Variants in SNAPC3 observed in about 807,000 individuals in gnomAD.
The protein encoded by SNAPC3 is small nuclear RNA activating complex polypeptide 3.
In SNAPC3, 56 loss-of-function variants were observed where a neutral mutation model predicts 47.7. The ratio of observed to expected loss-of-function variants is 1.18; its 90% CI spans 0.95 to 1.47. The LOEUF (loss-of-function observed/expected upper bound fraction) is 1.47, where lower values mean the gene tolerates loss of function less well. SNAPC3 is among the 40% of genes most tolerant of loss of function. SNAPC3 has a pLI of 0.00. For missense variants in SNAPC3, 665 were observed against 511.3 expected (o/e 1.30, Z -2.90); for synonymous variants, 235 against 189.9 (o/e 1.24, Z -1.95).
chr9:15,461,812 C>G (rs913387816), downstream of SNAPC3: 1 of 152,160 alleles, frequency 6.6e-6, no homozygotes, highest in Non-Finnish European at 1.5e-5. Flanking sequence ...TCTGGTATGT[C>G]TAGTGTTCTC....
At chr9:15,453,292 G>C (rs1345576263) in intron 7 of SNAPC3, 87 bp downstream of exon 7, 14 of 1,115,546 alleles carry the variant, frequency 1.3e-5, no homozygotes, top group African/African-American at 3.2e-5. Context: ...TTAAAAATAA[G>C]AGGAGTAAAA....
intron 2 of SNAPC3, among the ~76,000 whole-genome samples, chr9:15,424,510 G>T (rs946526421): frequency 1.3e-5 from 2 of 151,730 alleles, no homozygotes; most frequent in South Asian, 2.1e-4. Flanking sequence ...ACTATAAAAA[G>T]AATTACTAGA....
At chr9:15,455,948 C>T (rs557237426) in intron 7 of SNAPC3, among the ~76,000 whole-genome samples, 1 of 152,282 alleles carries the variant, frequency 6.6e-6, no homozygotes, top group East Asian at 1.9e-4. Flanking sequence ...GATCTCGGCT[C>T]ACCACAACCT....
rs1258586280 is a variant in SNAPC3, at chr9:15,461,609, A to C, written c.*1743A>C. 6.6e-6 allele frequency: 1 copy of C among 152,258 alleles called. No homozygotes were observed. The highest frequency in any genetic ancestry group is 1.5e-5 in the Non-Finnish European group (1 of 68,040). 9.4% of individuals were successfully genotyped at this position (152,258 alleles called of 1,614,324 possible). A position where few individuals can be genotyped will look rare whatever the true frequency, so the allele number is the denominator to read the frequency against. ...TCAAATGCATCATTTAAAATAAATA[A>C]ATTCCACTTTCTCTCTCCTAGGTTG... is the stretch of plus-strand genomic sequence containing the variant. On this transcript the variant is annotated 3_prime_UTR_variant, in exon 9 of 9. Coordinates refer to ENST00000380821, the MANE Select transcript of SNAPC3 (RefSeq NM_001039697.2).
intron 3 of SNAPC3, among the ~76,000 whole-genome samples, chr9:15,444,361 C>T: frequency 6.6e-6 from 1 of 152,232 alleles, no homozygotes; most frequent in East Asian, 1.9e-4. Context: ...TACCACACAT[C>T]TTATCAGATG....
chr9:15,449,907 T>G (rs891700392), intron 5 of SNAPC3, among the ~76,000 whole-genome samples: 2 of 152,122 alleles, frequency 1.3e-5, no homozygotes, highest in Non-Finnish European at 2.9e-5. Flanking sequence ...ACATTTTTGT[T>G]CTTTTAGAGT....
chr9:15,424,364 G>A lies in SNAPC3; in HGVS notation c.392+378G>A, dbSNP rs900644028. ...TATTTTTTAATATTTTTGAATGTTT[G>A]TTTATAGAGGTAATCTACTTAGATC... On this transcript the variant is annotated intron_variant, in intron 2 of 8. Coordinates refer to ENST00000380821, the MANE Select transcript of SNAPC3 (RefSeq NM_001039697.2). 5.9e-5 allele frequency among the ~76,000 whole-genome samples: 9 copies of A among 152,024 alleles called. 1 individual carries two copies. Among genetic ancestry groups the A allele is most frequent in the Admixed American group, 5.9e-4 (9 of 15,276 alleles).
chr9:15,453,960 C>T (rs1041138599), intron 7 of SNAPC3, among the ~76,000 whole-genome samples: 2 of 152,064 alleles, frequency 1.3e-5, no homozygotes, highest in African/African-American at 2.4e-5. Context: ...TGATGCCTGC[C>T]GGGTGCAGTG....
chr9:15,443,905 G>T (rs371820511), intron 3 of SNAPC3, among the ~76,000 whole-genome samples: 13 of 152,168 alleles, frequency 8.5e-5, no homozygotes, highest in African/African-American at 1.7e-4. Context: ...CCTGATTGTT[G>T]TAAGTGTCCC....
rs1445649888 is a variant in SNAPC3 at position 15,446,949 on chromosome 9, T to C, written c.583-146T>C. The C allele has an allele frequency of 8.1e-6, 6 of 739,760 alleles. No homozygotes were observed. In the East Asian group the frequency reaches 9.8e-5, roughly 12 times the overall value. 45.8% of individuals were successfully genotyped at this position (739,760 alleles called of 1,614,324 possible). ...GACCATGAGTTTGGCCCTATAATTATTGGATGTGAAAATACAGAGCATCAA... is the reference window on the plus strand; with the variant it reads ...GACCATGAGTTTGGCCCTATAATTACTGGATGTGAAAATACAGAGCATCAA... On this transcript the variant is annotated intron_variant, in intron 4 of 8. Transcript: ENST00000380821.
chr9:15,464,529 T>C (rs2035478503), downstream of SNAPC3: 1 of 200,454 alleles, frequency 5.0e-6, no homozygotes, highest in Non-Finnish European at 1.0e-5. Context: ...ACAACTAGTG[T>C]TTGTATTTTT....
At chr9:15,451,064 A>G (rs917663445) in intron 5 of SNAPC3, among the ~76,000 whole-genome samples, 33 of 152,202 alleles carry the variant, frequency 2.2e-4, no homozygotes, top group African/African-American at 6.5e-4. Context: ...AACACTACTT[A>G]CTGCTCTGTA....
chr9:15,465,088 C>G (rs1004235236), downstream of SNAPC3: 5 of 228,356 alleles, frequency 2.2e-5, no homozygotes, highest in African/African-American at 1.1e-4. Context: ...TCTACAAAAC[C>G]CACAAACAGT....
At chr9:15,457,602 T>A (rs2034892235) in intron 7 of SNAPC3, among the ~76,000 whole-genome samples, 1 of 151,824 alleles carries the variant, frequency 6.6e-6, no homozygotes, top group Admixed American at 6.6e-5. Context: ...TTCAAATAAA[T>A]AAAAATAAAA....
intron 2 of SNAPC3, among the ~76,000 whole-genome samples, chr9:15,424,203 A>G (rs550893954): frequency 1.3e-5 from 2 of 152,226 alleles, no homozygotes; most frequent in African/African-American, 4.8e-5. Context: ...GTTAGACATG[A>G]TAATTTACCC....
chr9:15,452,630 A>G (rs2034477983), intron 6 of SNAPC3, among the ~76,000 whole-genome samples: 1 of 152,158 alleles, frequency 6.6e-6, no homozygotes, highest in Non-Finnish European at 1.5e-5. Flanking sequence ...GCATTTCTTT[A>G]TACTATAAAT....
At position 15,459,731 on chromosome 9, in the gene SNAPC3, CA is replaced by C. The variant is rs778956224; in HGVS notation, c.1103del (p.Asn368MetfsTer56). 1 of 1,612,656 alleles carries C rather than the reference CA, an allele frequency of 6.2e-7. No individual in the cohort carries two copies. The highest frequency in any genetic ancestry group is 1.3e-5 in the African/African-American group (1 of 74,864). On this transcript the variant is annotated frameshift_variant, in exon 9 of 9. Coordinates refer to ENST00000380821, the MANE Select transcript of SNAPC3 (RefSeq NM_001039697.2). LOFTEE classifies it high-confidence loss of function. ...TTAAAAACTACAGATGGGTGACGAA[CA>C]ATGACAGTTTTGCACCAGAGGACCC... The part of the protein sequence containing the change: ...KMYTARWVTN[N>X]DSFAPEDPCF...
chr9:15,441,204 CGTT>C (rs966433011), intron 3 of SNAPC3, among the ~76,000 whole-genome samples: 2 of 148,258 alleles, frequency 1.3e-5, no homozygotes, highest in Non-Finnish European at 3.0e-5. Flanking sequence ...TTTTATTTAA[CGTT>C]ATTATTATTT....
rs1218021120 is a variant in SNAPC3 at position 15,461,462 on chromosome 9, A to C, written c.*1596A>C. On this transcript the variant is annotated 3_prime_UTR_variant, in exon 9 of 9. Transcript: ENST00000380821. ...CAGGCATGAACCACAGCGCCCAGCA[A>C]AATAAACTTTCTTTATTTTCAGGTC... 2 of 152,192 alleles carry C rather than the reference A, an allele frequency of 1.3e-5. No individual in the cohort carries two copies. Among genetic ancestry groups the C allele is most frequent in the Non-Finnish European group, 2.9e-5 (2 of 68,042 alleles). 9.4% of individuals were successfully genotyped at this position (152,192 alleles called of 1,614,324 possible).
Sources: allele counts gnomAD v4.1 joint callset (sites outside exome capture counted in the v4.1 genomes callset), GRCh38; gene constraint gnomAD v4.1.1; transcripts MANE v1.5; gene names NCBI Gene and HGNC (gene_info 2026-07-23, HGNC 2026-07-21).